The following PDGFA variants were observed in gnomAD, a reference collection of about 807,000 sequenced individuals.
PDGFA encodes platelet derived growth factor subunit A.
In PDGFA, 9 loss-of-function variants were observed where a neutral mutation model predicts 25.6. The ratio of observed to expected loss-of-function variants is 0.35; its 90% confidence interval spans 0.21 to 0.61. PDGFA has a LOEUF of 0.61. Among genes scored for constraint, PDGFA ranks in the 20% least tolerant of loss-of-function variants. The pLI is 0.75. For synonymous variants in PDGFA, 133 were observed against 111.8 expected (o/e 1.19, Z -1.20); for missense variants, 242 against 272.8 (o/e 0.89, Z 0.79).
intron 4 of PDGFA, among the ~76,000 whole-genome samples, chr7:510,313 C>T (rs1313077455): frequency 2.0e-5 from 3 of 152,086 alleles, no homozygotes; most frequent in African/African-American, 4.8e-5. Context: ...GAGATGGGAG[C>T]GCAGCCGTGC....
intron 4 of PDGFA, among the ~76,000 whole-genome samples, chr7:508,820 A>G (rs1171594916): frequency 6.6e-6 from 1 of 152,014 alleles, no homozygotes; most frequent in African/African-American, 2.4e-5. Context: ...CAGGCCTCAC[A>G]GAAGCTAGAA....
chr7:517,656 A>C lies in PDGFA; in HGVS notation c.64-166T>G, dbSNP rs1783170362. ...GCCCTCGCCCCGGCCCTGGAACCAG[A>C]AGCCGGGGGTGGGGCTGGAAGAGAC... On this transcript the variant is annotated intron_variant, in intron 1 of 5. Coordinates refer to ENST00000402802, the Ensembl canonical transcript of PDGFA. This position sits in a 1 kb window ranked among gnomAD's most constrained non-coding sequence, Gnocchi z 7.4. 6.6e-6 allele frequency among the ~76,000 whole-genome samples: 1 copy of C among 151,108 alleles called. No homozygotes were observed. The highest frequency in any genetic ancestry group is 2.1e-4 in the South Asian group (1 of 4,806).
chr7:502,599 C>A (rs562902459), intron 4 of PDGFA, among the ~76,000 whole-genome samples: 13 of 152,216 alleles, frequency 8.5e-5, no homozygotes, highest in Non-Finnish European at 1.5e-4. Flanking sequence ...CCTCTTCGGA[C>A]TGGACTTTGC....
chr7:504,302 C>T (rs1240129197), intron 4 of PDGFA, among the ~76,000 whole-genome samples: 2 of 152,070 alleles, frequency 1.3e-5, no homozygotes, highest in African/African-American at 4.8e-5. Flanking sequence ...TCGGAGAGGC[C>T]CGGCCCGAGG....
intron 2 of PDGFA, 42 bp from the exon 3 acceptor site, chr7:512,497 G>A: frequency 1.2e-6 from 2 of 1,612,504 alleles, no homozygotes; most frequent in Non-Finnish European, 1.7e-6. Context: ...CCAGGCCCGT[G>A]CGCTGTGCCC....
chr7:515,755 G>C (rs987392015), intron 2 of PDGFA, among the ~76,000 whole-genome samples: 2 of 121,974 alleles, frequency 1.6e-5, no homozygotes, highest in Non-Finnish European at 3.7e-5. Context: ...ACTAGCTTAG[G>C]GGCATCCTTG....
chr7:513,635 G>C (rs535408323), intron 2 of PDGFA, among the ~76,000 whole-genome samples: 1 of 152,082 alleles, frequency 6.6e-6, no homozygotes, highest in Non-Finnish European at 1.5e-5. Flanking sequence ...GGGAAGTCCC[G>C]GTCACCAATC....
intron 2 of PDGFA, among the ~76,000 whole-genome samples, chr7:516,007 CA>C (rs1366864959): frequency 1.7e-5 from 2 of 114,562 alleles, no homozygotes; most frequent in African/African-American, 3.6e-5. Flanking sequence ...CACCCCCCCC[CA>C]GAAAAAGCCC....
chr7:504,043 T>A (rs1448653939), intron 4 of PDGFA, among the ~76,000 whole-genome samples: 1 of 151,918 alleles, frequency 6.6e-6, no homozygotes, highest in Non-Finnish European at 1.5e-5. Flanking sequence ...CACTTCCACC[T>A]CCCATCTGTA....
chr7:508,796 G>A (rs889588209), intron 4 of PDGFA, among the ~76,000 whole-genome samples: 1 of 151,946 alleles, frequency 6.6e-6, no homozygotes, highest in African/African-American at 2.4e-5. Context: ...CCCCAGGGAG[G>A]TGCCAGCCCC....
intron 2 of PDGFA, among the ~76,000 whole-genome samples, chr7:514,908 G>C (rs187451165): frequency 1.3e-3 from 197 of 152,322 alleles, no homozygotes; most frequent in Admixed American, 2.5e-3. Context: ...CTTGGGCTCC[G>C]GGAGGATGGT....
chr7:509,973 G>T (rs575489790), intron 4 of PDGFA, among the ~76,000 whole-genome samples: 13 of 152,216 alleles, frequency 8.5e-5, no homozygotes, highest in African/African-American at 2.2e-4. Context: ...GCTGCTTTAG[G>T]GGGGAAGCCG....
At chr7:506,036 C>T (rs1782548611) in intron 4 of PDGFA, among the ~76,000 whole-genome samples, 2 of 151,940 alleles carry the variant, frequency 1.3e-5, no homozygotes, top group South Asian at 4.2e-4. Flanking sequence ...AATAGCCAGG[C>T]GTGGTGGTGA....
At position 518,187 on chromosome 7, in the gene PDGFA, CG is replaced by C. The variant is rs1391940644; in HGVS notation, c.64-698del. On this transcript the variant is annotated intron_variant, in intron 1 of 5. Coordinates refer to ENST00000402802, the Ensembl canonical transcript of PDGFA. ...ACCTCGCGCAGCTCTCCGTGCCCTG[CG>C]GAGACCACCCTCACCTCTGGCCTCC... 2.0e-5 allele frequency among the ~76,000 whole-genome samples: 3 copies of C among 152,172 alleles called. No individual in the cohort carries two copies. In the East Asian group the frequency reaches 5.8e-4, roughly 29 times the overall value.
At chr7:509,247 C>A (rs547254877) in intron 4 of PDGFA, among the ~76,000 whole-genome samples, 2 of 152,346 alleles carry the variant, frequency 1.3e-5, no homozygotes, top group South Asian at 4.1e-4. Context: ...ATGAAGGGGA[C>A]GGCGTTAGGA....
In PDGFA at chr7:517,523, G is replaced by C; in HGVS notation, c.64-33C>G. On this transcript the variant is annotated intron_variant, in intron 1 of 5. Transcript: ENST00000402802. This position sits in a 1 kb window ranked among gnomAD's most constrained non-coding sequence, Gnocchi z 7.4. ...CAGAGGCCACACGGTCAGCGCCCGC[G>C]GCCCCGACCCCGCCGGCACGCGCCC... 1 of 1,066,128 alleles carries C rather than the reference G, an allele frequency of 9.4e-7. No homozygotes were observed. The highest frequency in any genetic ancestry group is 1.2e-6 in the Non-Finnish European group (1 of 845,532). 66.0% of individuals were successfully genotyped at this position (1,066,128 alleles called of 1,614,324 possible).
chr7:512,367 C>A (rs1782893059), exon 3 of PDGFA: 1 of 1,613,284 alleles, frequency 6.2e-7, no homozygotes, highest in Non-Finnish European at 8.5e-7. Context: ...TTCTCTTCCT[C>A]CGAATGGGCA....
At chr7:502,000 G>T (rs965571890) in intron 4 of PDGFA, among the ~76,000 whole-genome samples, 1 of 152,170 alleles carries the variant, frequency 6.6e-6, no homozygotes, top group Non-Finnish European at 1.5e-5. Context: ...CAAGGCGGGA[G>T]GATCACTTAA....
chr7:510,761 GAGGAGAGGA>G (rs1782783064), intron 4 of PDGFA, 39 bp downstream of exon 4: 1 of 577,998 alleles, frequency 1.7e-6, no homozygotes, highest in Non-Finnish European at 2.8e-6. Context: ...GGGGAGGGGA[GAGGAGAGGA>G]GGGGAGGGGA....
Sources: allele counts gnomAD v4.1 joint callset (sites outside exome capture counted in the v4.1 genomes callset), GRCh38; gene constraint gnomAD v4.1.1; non-coding constraint Gnocchi (gnomAD v3.1); transcripts MANE v1.5; gene names NCBI Gene and HGNC (gene_info 2026-07-23, HGNC 2026-07-21).